The following RYR2 variants were observed in gnomAD, a reference collection of about 807,000 sequenced individuals.
The protein encoded by RYR2 is cardiac muscle ryanodine receptor-calcium release channel.
A neutral mutation model predicts 601.1 loss-of-function variants in RYR2; 227 were observed. That is an observed-to-expected ratio of 0.38 (90% confidence interval 0.34 to 0.42). The LOEUF (loss-of-function observed/expected upper bound fraction) is 0.42, where lower values mean the gene tolerates loss of function less well. Among genes scored for constraint, RYR2 ranks in the 10% least tolerant of loss-of-function variants. The pLI, the probability that RYR2 is intolerant of heterozygous loss-of-function variation, is 1.00. For synonymous variants in RYR2, 2,223 were observed against 2,175.1 expected (o/e 1.02, Z -0.61); for missense variants, 4,646 against 6,156.5 (o/e 0.75, Z 8.21).
chr1:237,346,377 A>T (rs568006499), intron 3 of RYR2, among the ~76,000 whole-genome samples: 3 of 151,754 alleles, frequency 2.0e-5, no homozygotes, highest in African/African-American at 7.2e-5. Context: ...CAAAAAAAAA[A>T]AAAAAAAGTG....
At chr1:237,306,773 TTTCATC>T (rs1693912150) in intron 2 of RYR2, among the ~76,000 whole-genome samples, 2 of 152,136 alleles carry the variant, frequency 1.3e-5, no homozygotes, top group Admixed American at 1.3e-4. Flanking sequence ...CGTCTGCTGG[TTTCATC>T]TTGAAGAATT....
At chr1:237,295,676 T>C (rs1035087701) in intron 2 of RYR2, among the ~76,000 whole-genome samples, 2 of 152,224 alleles carry the variant, frequency 1.3e-5, no homozygotes, top group South Asian at 2.1e-4. Context: ...AGAATCTCTA[T>C]GAACATTGTC....
rs114616300 is a variant in RYR2, at chr1:237,260,345, C to G, written c.49-10152C>G. On this transcript the variant is annotated intron_variant, in intron 1 of 104. Coordinates refer to ENST00000366574, the MANE Select transcript of RYR2 (RefSeq NM_001035.3). The stretch of plus-strand genomic sequence containing the variant: ...TGTAGGTGTTCCAGAGTAAATGACA[C>G]CAGGTGAAAAACTTCACATTAAAGA... Among the ~76,000 whole-genome samples, 1,042 of 152,236 alleles carry G rather than the reference C, an allele frequency of 6.8e-3. 14 individuals are homozygous for G. The highest frequency in any genetic ancestry group is 0.023 in the African/African-American group (973 of 41,534).
chr1:237,203,896 ATAGAT>A (rs765747176), intron 1 of RYR2, among the ~76,000 whole-genome samples: 18 of 152,312 alleles, frequency 1.2e-4, no homozygotes, highest in Non-Finnish European at 2.6e-4. Context: ...TCCTCTCACC[ATAGAT>A]TAGTTTTCCT....
chr1:237,316,811 T>C (rs148885472), intron 2 of RYR2, among the ~76,000 whole-genome samples: 212 of 152,294 alleles, frequency 1.4e-3, no homozygotes, highest in African/African-American at 4.8e-3. Context: ...GGGACTATTA[T>C]TATAAGAGAC....
rs368059068 is a variant in RYR2 at position 237,792,343 on chromosome 1, A to G, written c.13782+20A>G. ...TTGAAAGTAAGATAGTAAGGCACCA[A>G]GGTACCTGTGTGTGTGTGTGTGTGT... On this transcript the variant is annotated intron_variant, in intron 94 of 104. Transcript: ENST00000366574. The G allele has an allele frequency of 2.6e-4, 401 of 1,516,988 alleles. No homozygotes were observed. In the African/African-American group the frequency reaches 5.3e-3, roughly 20 times the overall value. The allele number at this position is 1,516,988 out of a possible 1,614,324, so 94.0% of individuals were successfully genotyped here.
intron 80 of RYR2, among the ~76,000 whole-genome samples, chr1:237,750,710 CAACA>C (rs1477719791): frequency 6.6e-6 from 1 of 151,988 alleles, no homozygotes; most frequent in Non-Finnish European, 1.5e-5. Context: ...AAAATGTCCT[CAACA>C]ATTCAGTTAA....
At chr1:237,268,542 C>G (rs1689301447) in intron 1 of RYR2, among the ~76,000 whole-genome samples, 1 of 151,990 alleles carries the variant, frequency 6.6e-6, no homozygotes, top group African/African-American at 2.4e-5. Flanking sequence ...CAGTGAGCAC[C>G]TGGAGGGTCA....
At chr1:237,567,624 A>G (rs1336079469) in intron 28 of RYR2, among the ~76,000 whole-genome samples, 1 of 152,016 alleles carries the variant, frequency 6.6e-6, no homozygotes, top group Non-Finnish European at 1.5e-5. Flanking sequence ...ACAACAAGGT[A>G]TATATGCTTA....
At position 237,674,089 on chromosome 1, in the gene RYR2, C is replaced by T; in HGVS notation, c.8591-7C>T. On this transcript the variant is annotated splice_polypyrimidine_tract_variant and splice_region_variant and intron_variant, in intron 58 of 104. Transcript: ENST00000366574. Reference sequence around the variant, plus strand: ...TATGCTGTGTTCTTGTCCTGACATACTCTTAGGAGGAGGAAACCATCCTCT... The same window carrying T: ...TATGCTGTGTTCTTGTCCTGACATATTCTTAGGAGGAGGAAACCATCCTCT... 2 of 1,609,112 alleles carry T rather than the reference C, an allele frequency of 1.2e-6. No homozygotes were observed. The highest frequency in any genetic ancestry group is 1.7e-6 in the Non-Finnish European group (2 of 1,176,062).
chr1:237,532,753 G>A lies in RYR2; in HGVS notation c.2906+2243G>A, dbSNP rs79018513. 4.6e-3 allele frequency among the ~76,000 whole-genome samples: 707 copies of A among 152,288 alleles called. 7 individuals are homozygous for A. Among genetic ancestry groups the A allele is most frequent in the African/African-American group, 0.016 (663 of 41,564 alleles). Reference sequence around the variant, plus strand: ...GCTATGCGTGAGTGTGTGTGCATGTGTGTGTATGTATTTGGGATACAATTC... The same window carrying A: ...GCTATGCGTGAGTGTGTGTGCATGTATGTGTATGTATTTGGGATACAATTC... On this transcript the variant is annotated intron_variant, in intron 25 of 104. Coordinates refer to ENST00000366574, the MANE Select transcript of RYR2 (RefSeq NM_001035.3).
intron 56 of RYR2, among the ~76,000 whole-genome samples, chr1:237,662,741 G>A (rs535308409): frequency 2.6e-5 from 4 of 152,150 alleles, no homozygotes; most frequent in East Asian, 3.9e-4. Flanking sequence ...TGATTTTCAC[G>A]GTGACATGTG....
At chr1:237,764,401 C>CTTT (rs1693672093) in intron 84 of RYR2, among the ~76,000 whole-genome samples, 2 of 80,688 alleles carry the variant, frequency 2.5e-5, no homozygotes, top group African/African-American at 6.3e-5. Context: ...CCTTAGGTAG[C>CTTT]ATTTTTTTTT....
chr1:237,139,239 A>G (rs1312310548), intron 1 of RYR2, among the ~76,000 whole-genome samples: 1 of 152,242 alleles, frequency 6.6e-6, no homozygotes, highest in African/African-American at 2.4e-5. Context: ...CACATGGATG[A>G]GTCTTGAAAA....
intron 97 of RYR2, among the ~76,000 whole-genome samples, chr1:237,800,313 A>AGTTGGGGG (rs1475847107): frequency 1.2e-4 from 19 of 152,176 alleles, no homozygotes; most frequent in African/African-American, 4.6e-4. Context: ...TTCATTTAAG[A>AGTTGGGGG]AAAAAAATTC....
chr1:237,739,141 G>A (rs930187117), intron 79 of RYR2, among the ~76,000 whole-genome samples: 4 of 152,184 alleles, frequency 2.6e-5, no homozygotes, highest in Non-Finnish European at 5.9e-5. Context: ...CTATTATGAT[G>A]AGTACAGCAT....
At chr1:237,655,575 T>C (rs766026640) in intron 52 of RYR2, among the ~76,000 whole-genome samples, 2 of 152,164 alleles carry the variant, frequency 1.3e-5, no homozygotes, top group African/African-American at 2.4e-5. Context: ...TCATTTCCAG[T>C]GTGTTGGAGA....
intron 5 of RYR2, among the ~76,000 whole-genome samples, chr1:237,365,939 A>C (rs1167647108): frequency 6.6e-6 from 1 of 152,260 alleles, no homozygotes; most frequent in Non-Finnish European, 1.5e-5. Context: ...TTTAACTTCG[A>C]GGCCAGAAGG....
intron 95 of RYR2, among the ~76,000 whole-genome samples, chr1:237,794,490 A>G (rs1658856629): frequency 6.6e-6 from 1 of 152,208 alleles, no homozygotes; most frequent in African/African-American, 2.4e-5. Context: ...TAAGACAGAA[A>G]AACAAATGCT....
Sources: gnomAD v4.1 joint callset for allele counts (sites outside exome capture counted in the v4.1 genomes callset) on GRCh38, gnomAD v4.1.1 for gene constraint, MANE v1.5 for transcripts, NCBI Gene and HGNC (gene_info 2026-07-23, HGNC 2026-07-21) for gene names.